Variants in ECHDC1 observed in about 807,000 individuals in gnomAD.
ECHDC1 encodes ethylmalonyl-CoA decarboxylase.
Under a neutral mutation model 29.7 loss-of-function variants are expected in ECHDC1, and 29 were observed. The observed-to-expected ratio is 0.98, with a 90% CI of 0.73 to 1.33. ECHDC1 has a LOEUF of 1.33. Among genes scored for constraint, ECHDC1 ranks in the 40% most tolerant of loss-of-function variants. ECHDC1 has a pLI of 0.00. For missense variants in ECHDC1, 328 were observed against 350.0 expected (o/e 0.94, Z 0.50); for synonymous variants, 126 against 123.1 (o/e 1.02, Z -0.15).
In ECHDC1 at chr6:127,289,444, C is replaced by T. The variant is rs990557485; in HGVS notation, c.*425G>A. The T allele has an allele frequency of 1.5e-4, 24 of 156,678 alleles. No individual in the cohort carries two copies. The highest frequency in any genetic ancestry group is 1.2e-3 in the Admixed American group (19 of 15,934). 9.7% of individuals were successfully genotyped at this position (156,678 alleles called of 1,614,324 possible). ...CATACCCTTTCTTGTTTTCTTGTTCCCTGATACCTCCCCACTTTTGTTCTT... is the reference window on the plus strand; with the variant it reads ...CATACCCTTTCTTGTTTTCTTGTTCTCTGATACCTCCCCACTTTTGTTCTT... On this transcript the variant is annotated 3_prime_UTR_variant, in exon 6 of 6. Coordinates refer to ENST00000454859, the MANE Select transcript of ECHDC1 (RefSeq NM_001002030.2).
chr6:127,296,007 C>A (rs1780563962), intron 5 of ECHDC1, among the ~76,000 whole-genome samples: 1 of 152,120 alleles, frequency 6.6e-6, no homozygotes, highest in Non-Finnish European at 1.5e-5. Flanking sequence ...TTACTCACAG[C>A]ATACATGAAA....
At chr6:127,341,085 G>T (rs1234709649) in intron 1 of ECHDC1, among the ~76,000 whole-genome samples, 1 of 152,088 alleles carries the variant, frequency 6.6e-6, no homozygotes, top group Non-Finnish European at 1.5e-5. Context: ...ATTTTTCCAA[G>T]AAAATCTTGT....
At chr6:127,292,272 A>G (rs1780257998) in intron 5 of ECHDC1, among the ~76,000 whole-genome samples, 1 of 152,078 alleles carries the variant, frequency 6.6e-6, no homozygotes, top group African/African-American at 2.4e-5. Context: ...TATGACAACA[A>G]AAGTTATTAC....
rs1275683915 is a variant in ECHDC1, at chr6:127,289,071, A to T, written c.*798T>A. 1 of 152,038 alleles carries T rather than the reference A, an allele frequency of 6.6e-6. No individual in the cohort carries two copies. The highest frequency in any genetic ancestry group is 6.6e-5 in the Admixed American group (1 of 15,242). 9.4% of individuals were successfully genotyped at this position (152,038 alleles called of 1,614,324 possible). On this transcript the variant is annotated 3_prime_UTR_variant, in exon 6 of 6. Transcript: ENST00000454859. ...TTACTTTTGAAAGATAGTTGTTAGA[A>T]GGTTAGTTGTTTTTCAGGAAAAAAA... is the stretch of plus-strand genomic sequence containing the variant.
At position 127,290,151 on chromosome 6, in the gene ECHDC1, C is replaced by T. The variant is rs551069160; in HGVS notation, c.624G>A (p.Gly208=). The part of the protein sequence containing the change: ...GSRQALKVLS[G]ALKLDSKNAL... The stretch of plus-strand genomic sequence containing the variant: ...CATTTTTTGAATCCAGTTTAAGGGC[C>T]CCACTCAACACTTTGAGAGCTTGTC... Residue 208 remains glycine (G), a synonymous_variant, in exon 6 of 6, where the codon GGG becomes GGA. Coordinates refer to ENST00000454859, the MANE Select transcript of ECHDC1 (RefSeq NM_001002030.2). 11 of 1,613,716 alleles carry T rather than the reference C, an allele frequency of 6.8e-6. No individual in the cohort carries two copies. In the East Asian group the frequency reaches 1.3e-4, roughly 20 times the overall value.
intron 2 of ECHDC1, among the ~76,000 whole-genome samples, chr6:127,328,395 C>T (rs960402356): frequency 2.0e-5 from 3 of 152,202 alleles, no homozygotes; most frequent in Non-Finnish European, 4.4e-5. Flanking sequence ...GGAAGTAACA[C>T]ACTGAATAGG....
chr6:127,321,836 C>G lies in ECHDC1; in HGVS notation c.363+5166G>C, dbSNP rs538023695. The stretch of plus-strand genomic sequence containing the variant: ...TGGCCAAAACAGTGAAACCCCATCT[C>G]TACTAAAAATACAAAAACTAGCCAG... On this transcript the variant is annotated intron_variant, in intron 3 of 5. Transcript: ENST00000454859. Among the ~76,000 whole-genome samples the G allele has an allele frequency of 5.3e-5, 8 of 152,076 alleles. No homozygotes were observed. The South Asian group carries it at 1.2e-3, about 24-fold the overall frequency.
At position 127,323,745 on chromosome 6, in the gene ECHDC1, T is replaced by C. The variant is rs9491731; in HGVS notation, c.363+3257A>G. 3.3e-3 allele frequency among the ~76,000 whole-genome samples: 510 copies of C among 152,278 alleles called. 6 individuals carry two copies. Among genetic ancestry groups the C allele is most frequent in the African/African-American group, 0.012 (479 of 41,582 alleles). On this transcript the variant is annotated intron_variant, in intron 3 of 5. Transcript: ENST00000454859. ...ACTACATACAGTGGCATGAGACTTA[T>C]GGAATATCATGAAAACTTTACTTTT...
rs113127643 is a variant in ECHDC1 at position 127,324,397 on chromosome 6, G to A, written c.363+2605C>T. On this transcript the variant is annotated intron_variant, in intron 3 of 5. Transcript: ENST00000454859. ...GGAGCTGAGGCTAAGAGGAAATTGA[G>A]CAACTTTCTCATTTAGTTGAGTGGC... is the stretch of plus-strand genomic sequence containing the variant. 1.1e-4 allele frequency among the ~76,000 whole-genome samples: 17 copies of A among 152,266 alleles called. 1 individual carries two copies. The highest frequency in any genetic ancestry group is 4.1e-4 in the African/African-American group (17 of 41,554).
rs893304001 is a variant in ECHDC1, at chr6:127,313,483, A to G, written c.497+1333T>C. 2.8e-5 allele frequency: 12 copies of G among 428,102 alleles called. No homozygotes were observed. The Admixed American group carries it at 3.0e-4, about 11-fold the overall frequency. 26.5% of individuals were successfully genotyped at this position (428,102 alleles called of 1,614,324 possible). ...CCCCCAAAATGCTGGGATAACAGGC[A>G]TGAGCCACCACGCCAGGCTTAAAAG... On this transcript the variant is annotated intron_variant, in intron 5 of 5. Transcript: ENST00000454859.
rs373684217 is a variant in ECHDC1, at chr6:127,295,299, A to G, written c.498-5022T>C. ...AATATACTTTGAACTAATGGCTAGCAGCTGGAAATGCTAATACCTTGGCTG... is the reference window on the plus strand; with the variant it reads ...AATATACTTTGAACTAATGGCTAGCGGCTGGAAATGCTAATACCTTGGCTG... On this transcript the variant is annotated intron_variant, in intron 5 of 5. Coordinates refer to ENST00000454859, the MANE Select transcript of ECHDC1 (RefSeq NM_001002030.2). Among the ~76,000 whole-genome samples the G allele has an allele frequency of 7.9e-5, 12 of 152,286 alleles. No homozygotes were observed. The East Asian group carries it at 2.3e-3, about 29-fold the overall frequency.
intron 5 of ECHDC1, among the ~76,000 whole-genome samples, chr6:127,296,461 C>A (rs1780605981): frequency 1.3e-5 from 2 of 151,802 alleles, no homozygotes; most frequent in East Asian, 3.9e-4. Flanking sequence ...CCACAGTGGA[C>A]CATGTTTTTT....
chr6:127,291,869 G>T (rs948623756), intron 5 of ECHDC1, among the ~76,000 whole-genome samples: 1 of 151,982 alleles, frequency 6.6e-6, no homozygotes, highest in Admixed American at 6.6e-5. Flanking sequence ...ATGAACAATT[G>T]CTTCTAGAGG....
chr6:127,328,332 T>C (rs970349522), intron 2 of ECHDC1, among the ~76,000 whole-genome samples: 3 of 152,224 alleles, frequency 2.0e-5, no homozygotes, highest in Non-Finnish European at 4.4e-5. Flanking sequence ...GCCATTGTAA[T>C]GTAGTACAAT....
At chr6:127,341,522 C>T (rs911970219) in intron 1 of ECHDC1, 2 of 152,130 alleles carry the variant, frequency 1.3e-5, no homozygotes, top group Admixed American at 6.5e-5. Flanking sequence ...GAAGCATTTA[C>T]AATTTTATAA....
At chr6:127,317,983 G>T (rs1233816506) in intron 3 of ECHDC1, 3 of 152,114 alleles carry the variant, frequency 2.0e-5, no homozygotes, top group Non-Finnish European at 4.4e-5. Context: ...CAACAGCTTT[G>T]CTTCCTAACT....
At chr6:127,291,242 G>A (rs998880654) in intron 5 of ECHDC1, among the ~76,000 whole-genome samples, 3 of 148,496 alleles carry the variant, frequency 2.0e-5, no homozygotes, top group Admixed American at 2.0e-4. Flanking sequence ...CCATGTGCAT[G>A]AAGAGCTTAT....
At chr6:127,315,262 G>C (rs1164545182) in intron 4 of ECHDC1, 1 of 397,362 alleles carries the variant, frequency 2.5e-6, no homozygotes, top group East Asian at 6.8e-5. Flanking sequence ...ATAATTCCAT[G>C]TGATATTATC....
chr6:127,315,151 A>C (rs539319377), intron 4 of ECHDC1: 1 of 616,698 alleles, frequency 1.6e-6, no homozygotes, highest in Non-Finnish European at 3.0e-6. Flanking sequence ...GAATCATTAT[A>C]TATTTTTAAG....
Sources: allele counts gnomAD v4.1 joint callset (sites outside exome capture counted in the v4.1 genomes callset), GRCh38; gene constraint gnomAD v4.1.1; transcripts MANE v1.5; gene names NCBI Gene and HGNC (gene_info 2026-07-23, HGNC 2026-07-21).